Variants in PRR12 observed in about 807,000 individuals in gnomAD.
PRR12 encodes proline-rich protein 12.
In PRR12, 12 loss-of-function variants were observed where a neutral mutation model predicts 138.0. The observed-to-expected ratio is 0.09, with a 90% confidence interval of 0.06 to 0.14. The LOEUF is 0.14. Ranked by LOEUF, PRR12 falls within the 10% of genes least tolerant of loss-of-function variation. The pLI, the probability that PRR12 is intolerant of heterozygous loss-of-function variation, is 1.00. For missense variants in PRR12, 2,692 were observed against 2,861.3 expected, an observed-to-expected ratio of 0.94 and a Z score of 1.35; for synonymous variants, 1,567 against 1,291.7, an observed-to-expected ratio of 1.21 and a Z score of -4.57.
chr19:49,601,818 G>T lies in PRR12; in HGVS notation c.4673G>T (p.Cys1558Phe). ...AAAAAGCAGGAGACGGCGGCAGTGT[G>T]TGGGGAGACGGACGAGGAGGCCGGC... ...LAKKQETAAV[C>F]GETDEEAGES... The change falls in exon 6 of 14, where the codon TGT (cysteine) becomes TTT (phenylalanine). Residue 1558 changes from cysteine (C) to phenylalanine (F), a missense_variant. Coordinates refer to ENST00000418929, the MANE Select transcript of PRR12 (RefSeq NM_020719.3). 6.2e-7 allele frequency: 1 copy of T among 1,612,638 alleles called. No individual in the cohort carries two copies. The highest frequency in any genetic ancestry group is 1.1e-5 in the South Asian group (1 of 91,010).
chr19:49,617,368 C>T (rs370239972), intron 9 of PRR12, among the ~76,000 whole-genome samples: 98 of 152,192 alleles, frequency 6.4e-4, no homozygotes, highest in Non-Finnish European at 1.1e-3. Context: ...TGGCTCGCAC[C>T]GGTAATCCCT....
At position 49,625,009 on chromosome 19, in the gene PRR12, G is replaced by C; in HGVS notation, c.5868+19G>C. The C allele has an allele frequency of 6.2e-7, 1 of 1,607,192 alleles. No homozygotes were observed. The highest frequency in any genetic ancestry group is 1.7e-4 in the Middle Eastern group (1 of 5,996). ...AGCCCAGGTGGGCACTGGGGCTGGG[G>C]CTGGGAGTGGGGAGTGCTGGCGGTA... On this transcript the variant is annotated intron_variant, in intron 12 of 13. Coordinates refer to ENST00000418929, the MANE Select transcript of PRR12 (RefSeq NM_020719.3). This position sits in a 1 kb window ranked among gnomAD's most constrained non-coding sequence, Gnocchi z 5.5.
intron 11 of PRR12, among the ~76,000 whole-genome samples, chr19:49,621,988 A>C (rs2080925913): frequency 6.6e-6 from 1 of 152,320 alleles, no homozygotes; most frequent in Non-Finnish European, 1.5e-5. Context: ...TTCAGTGTTA[A>C]GTCATCTGTA....
chr19:49,594,305 G>T lies in PRR12; in HGVS notation c.200-149G>T. The T allele has an allele frequency of 6.4e-6, 4 of 622,568 alleles. No homozygotes were observed. The highest frequency in any genetic ancestry group is 8.0e-6 in the Non-Finnish European group (3 of 372,954). The allele number at this position is 622,568 out of a possible 1,614,324, so 38.6% of individuals were successfully genotyped here. A position where few individuals can be genotyped will look rare whatever the true frequency, so the allele number is the denominator to read the frequency against. The stretch of plus-strand genomic sequence containing the variant: ...CCCCTCATTCATGTCTCATTAGCTT[G>T]GTTCTATCCATCTTGTTTTTGAATT... On this transcript the variant is annotated intron_variant, in intron 2 of 13. Transcript: ENST00000418929. The surrounding 1 kb of genome is among the most constrained non-coding windows in gnomAD (Gnocchi z 5.6).
rs1357167308 is a variant in PRR12, at chr19:49,615,761, C to A, written c.5039C>A (p.Ala1680Asp). Residue 1680 changes from alanine (A) to aspartate (D), a missense_variant, in exon 9 of 14, where the codon GCC (alanine) becomes GAC (aspartate). Physicochemically the swap from Ala to Asp is moderately radical, Grantham distance 126. Transcript: ENST00000418929. ...TTCCCTTCTAGACGCTCTGGGCAGG[C>A]CAAGAACCCCGTATCTGCTGGGGGT... is the stretch of plus-strand genomic sequence containing the variant. Reference protein sequence around the residue: ...PPVPVRRSGQAKNPVSAGGSS... With the variant: ...PPVPVRRSGQDKNPVSAGGSS... 5 of 1,612,542 alleles carry A rather than the reference C, an allele frequency of 3.1e-6. No individual in the cohort carries two copies. The highest frequency in any genetic ancestry group is 1.3e-5 in the African/African-American group (1 of 74,834).
Position 49,614,682 on chromosome 19 carries a change from GC to G in PRR12, c.4890+37del. 1 of 1,533,310 alleles carries G rather than the reference GC, an allele frequency of 6.5e-7. No homozygotes were observed. The highest frequency in any genetic ancestry group is 8.8e-7 in the Non-Finnish European group (1 of 1,132,384). 95.0% of individuals were successfully genotyped at this position (1,533,310 alleles called of 1,614,324 possible). ...TGCAAAGGGGACCAAGGACTTGGGG[GC>G]CCCGGGGCGTGGTATCTAGGAGCTG... On this transcript the variant is annotated intron_variant, in intron 7 of 13. Coordinates refer to ENST00000418929, the MANE Select transcript of PRR12 (RefSeq NM_020719.3). This position sits in a 1 kb window ranked among gnomAD's most constrained non-coding sequence, Gnocchi z 5.0.
rs531397432 is a variant in PRR12, at chr19:49,617,727, T to C, written c.5497+1508T>C. Among the ~76,000 whole-genome samples the C allele has an allele frequency of 2.6e-5, 4 of 152,282 alleles. No individual in the cohort carries two copies. The South Asian group carries it at 8.3e-4, about 32-fold the overall frequency. ...GCCACACAGTACAGGGGTAGCTGTT[T>C]TAACAGAGATTAGAATTAGCGAGTC... On this transcript the variant is annotated intron_variant, in intron 9 of 13. Coordinates refer to ENST00000418929, the MANE Select transcript of PRR12 (RefSeq NM_020719.3).
chr19:49,622,922 T>TAGAGAG (rs1430610334), intron 11 of PRR12, among the ~76,000 whole-genome samples: 2 of 83,028 alleles, frequency 2.4e-5, no homozygotes, highest in East Asian at 2.3e-4. Flanking sequence ...TATATATATA[T>TAGAGAG]ATATATAGAG....
chr19:49,596,266 A>G lies in PRR12; in HGVS notation c.1931A>G (p.Gln644Arg). Residue 644 changes from glutamine (Q) to arginine (R), a missense_variant, in exon 4 of 14, where the codon CAG becomes CGG. Physicochemically the swap from Gln to Arg is conservative, Grantham distance 43. This residue lies in a region of PRR12 where 840 missense variants were observed against 689.8 expected (regional missense o/e 1.22). Coordinates refer to ENST00000418929, the MANE Select transcript of PRR12 (RefSeq NM_020719.3). This position sits in a 1 kb window ranked among gnomAD's most constrained non-coding sequence, Gnocchi z 5.6. Reference protein sequence around the residue: ...ERTEDEEFLIQHLLQAPSPPR... With the variant: ...ERTEDEEFLIRHLLQAPSPPR... Reference sequence around the variant, plus strand: ...ACAGAGGATGAGGAGTTCCTTATCCAGCACCTCTTGCAGGCGCCCAGCCCT... The same window carrying G: ...ACAGAGGATGAGGAGTTCCTTATCCGGCACCTCTTGCAGGCGCCCAGCCCT... 1 of 1,611,624 alleles carries G rather than the reference A, an allele frequency of 6.2e-7. No homozygotes were observed. The highest frequency in any genetic ancestry group is 2.2e-5 in the East Asian group (1 of 44,850).
chr19:49,612,370 G>C (rs553909717), intron 6 of PRR12, among the ~76,000 whole-genome samples: 1 of 152,238 alleles, frequency 6.6e-6, no homozygotes, highest in South Asian at 2.1e-4. Flanking sequence ...AGTGATATGA[G>C]TGACATGATG....
chr19:49,596,357 T>G lies in PRR12; in HGVS notation c.2022T>G (p.Leu674=), dbSNP rs772282281. ...GGGCAGCAGATGCCTCTAAGGGACT[T>G]GGGGGGAGTGGCGGGGCCGGGGGAC... is the stretch of plus-strand genomic sequence containing the variant. ...EDGAADASKG[L]GGSGGAGGPP... Residue 674 remains leucine, a synonymous_variant, in exon 4 of 14, where the codon CTT becomes CTG. Coordinates refer to ENST00000418929, the MANE Select transcript of PRR12 (RefSeq NM_020719.3). The surrounding 1 kb of genome is among the most constrained non-coding windows in gnomAD (Gnocchi z 5.6). The G allele has an allele frequency of 3.1e-6, 5 of 1,607,274 alleles. No homozygotes were observed. In the African/African-American group the frequency reaches 6.7e-5, roughly 22 times the overall value.
intron 5 of PRR12, among the ~76,000 whole-genome samples, chr19:49,600,507 C>T (rs934008586): frequency 2.6e-5 from 4 of 151,130 alleles, no homozygotes; most frequent in Admixed American, 6.6e-5. Context: ...CATGACAGGC[C>T]GGGCATGGTG....
At chr19:49,613,330 CAAA>C (rs781467379) in intron 6 of PRR12, among the ~76,000 whole-genome samples, 10 of 76,670 alleles carry the variant, frequency 1.3e-4, no homozygotes, top group South Asian at 4.6e-4. Flanking sequence ...GGCTCCATCT[CAAA>C]AAAAAAAAAA....
Position 49,626,035 on chromosome 19 carries a change from G to A in PRR12, c.*428G>A. The A allele has an allele frequency of 6.5e-6, 1 of 154,674 alleles. No homozygotes were observed. 9.6% of individuals were successfully genotyped at this position (154,674 alleles called of 1,614,324 possible). ...CCCCCAAGTCCCCCCTGCAGGCCAA[G>A]ATCTTTGCTAAAGGCCATTCCCTCC... On this transcript the variant is annotated 3_prime_UTR_variant, in exon 14 of 14. Coordinates refer to ENST00000418929, the MANE Select transcript of PRR12 (RefSeq NM_020719.3).
chr19:49,594,566 C>G lies in PRR12; in HGVS notation c.312C>G (p.Pro104=), dbSNP rs1669206368. The part of the protein sequence containing the change: ...ALESRGPQPG[P]SASSLLSQFR... ...AATCCCGGGGCCCCCAGCCTGGCCC[C>G]TCCGCCTCCTCTCTCCTCTCCCAGT... The change falls in exon 3 of 14, where the codon CCC becomes CCG. Residue 104 remains proline, a synonymous_variant. Coordinates refer to ENST00000418929, the MANE Select transcript of PRR12 (RefSeq NM_020719.3). This position sits in a 1 kb window ranked among gnomAD's most constrained non-coding sequence, Gnocchi z 5.6. 1.9e-6 allele frequency: 3 copies of G among 1,613,370 alleles called. No individual in the cohort carries two copies. The highest frequency in any genetic ancestry group is 2.5e-6 in the Non-Finnish European group (3 of 1,179,836).
chr19:49,622,877 G>A (rs1370491358), intron 11 of PRR12, among the ~76,000 whole-genome samples: 3 of 134,490 alleles, frequency 2.2e-5, no homozygotes, highest in African/African-American at 6.3e-5. Context: ...GGGCGACAGA[G>A]CGAGACTCTG....
Position 49,594,763 on chromosome 19 carries a change from C to T in PRR12, c.428C>T (p.Pro143Leu). 3.1e-6 allele frequency: 5 copies of T among 1,613,528 alleles called. No homozygotes were observed. Among genetic ancestry groups the T allele is most frequent in the Non-Finnish European group, 4.2e-6 (5 of 1,179,820 alleles). ...SGALPGSSTF[P>L]SSSALSAYQH... Reference sequence around the variant, plus strand: ...GCCCTGCCGGGTTCCAGCACCTTTCCGTCCTCATCTGCCCTGTCGGCTTAC... The same window carrying T: ...GCCCTGCCGGGTTCCAGCACCTTTCTGTCCTCATCTGCCCTGTCGGCTTAC... The change falls in exon 4 of 14, where the codon CCG becomes CTG. Residue 143 changes from proline (P) to leucine (L), a missense_variant. Pro to Leu is a moderately conservative substitution (Grantham distance 98). Coordinates refer to ENST00000418929, the MANE Select transcript of PRR12 (RefSeq NM_020719.3). This position sits in a 1 kb window ranked among gnomAD's most constrained non-coding sequence, Gnocchi z 5.6.
At chr19:49,619,228 T>TG (rs1314951482) in intron 9 of PRR12, among the ~76,000 whole-genome samples, 2 of 139,926 alleles carry the variant, frequency 1.4e-5, no homozygotes, top group Non-Finnish European at 3.1e-5. Flanking sequence ...CTGTGAGTTT[T>TG]TTTTTTTTTT....
chr19:49,616,276 A>G lies in PRR12; in HGVS notation c.5497+57A>G. On this transcript the variant is annotated intron_variant, in intron 9 of 13. Transcript: ENST00000418929. This position sits in a 1 kb window ranked among gnomAD's most constrained non-coding sequence, Gnocchi z 4.2. ...GGTGGGTGGGGAAGGGACACAGGTG[A>G]GGGCTGTCCAGAGGGCTCCAGGTAG... The G allele has an allele frequency of 1.9e-5, 27 of 1,423,260 alleles. No homozygotes were observed. The highest frequency in any genetic ancestry group is 2.5e-5 in the Non-Finnish European group (27 of 1,071,366). The allele number at this position is 1,423,260 out of a possible 1,614,324, so 88.2% of individuals were successfully genotyped here. A position where few individuals can be genotyped will look rare whatever the true frequency, so the allele number is the denominator to read the frequency against.
Sources: gnomAD v4.1 joint callset for allele counts (sites outside exome capture counted in the v4.1 genomes callset) on GRCh38, gnomAD v4.1.1 for gene constraint, gnomAD v4.1.1 regional missense constraint, Gnocchi (gnomAD v3.1) non-coding constraint, MANE v1.5 for transcripts, NCBI Gene and HGNC (gene_info 2026-07-23, HGNC 2026-07-21) for gene names.